LRRC7: variants seen among roughly 807,000 people sequenced by gnomAD.
LRRC7 encodes the protein leucine rich repeat containing 7.
A neutral mutation model predicts 175.7 loss-of-function variants in LRRC7; 23 were observed. The observed-to-expected ratio is 0.13, with a 90% CI of 0.09 to 0.19. The LOEUF is 0.19. Ranked by LOEUF, LRRC7 falls within the 10% of genes least tolerant of loss-of-function variation. The pLI, the probability that LRRC7 is intolerant of heterozygous loss-of-function variation, is 1.00. For synonymous variants in LRRC7, 685 were observed against 680.9 expected, an observed-to-expected ratio of 1.01 and a Z score of -0.09; for missense variants, 1,354 against 1,904.7, an observed-to-expected ratio of 0.71 and a Z score of 5.38.
At chr1:70,069,772 C>T (rs1313962200) in intron 23 of LRRC7, among the ~76,000 whole-genome samples, 5 of 152,096 alleles carry the variant, frequency 3.3e-5, no homozygotes, top group Non-Finnish European at 7.4e-5. Flanking sequence ...GTCCCTAAGA[C>T]TCTGCTCATA....
intron 2 of LRRC7, among the ~76,000 whole-genome samples, chr1:69,724,136 G>A (rs1666667966): frequency 6.6e-6 from 1 of 151,938 alleles, no homozygotes; most frequent in Non-Finnish European, 1.5e-5. Context: ...ATTTTTCATT[G>A]CTTCTTTTTC....
At chr1:69,595,294 C>T (rs1646796689) in intron 1 of LRRC7, among the ~76,000 whole-genome samples, 1 of 152,122 alleles carries the variant, frequency 6.6e-6, no homozygotes, top group Non-Finnish European at 1.5e-5. Flanking sequence ...GTGGCGGGCA[C>T]CTGTAATCCC....
chr1:69,931,440 T>C, intron 7 of LRRC7, 67 bp from the exon 8 acceptor site: 1 of 1,275,296 alleles, frequency 7.8e-7, no homozygotes, highest in Non-Finnish European at 1.1e-6. Flanking sequence ...GGAAGGTGGT[T>C]GGAATGTCTT....
chr1:69,919,994 G>T lies in LRRC7; in HGVS notation c.648-11513G>T, dbSNP rs1447381006. 8.1e-6 allele frequency: 4 copies of T among 496,106 alleles called. No homozygotes were observed. In the East Asian group the frequency reaches 1.1e-4, roughly 14 times the overall value. 30.7% of individuals were successfully genotyped at this position (496,106 alleles called of 1,614,324 possible). On this transcript the variant is annotated intron_variant, in intron 7 of 26. Transcript: ENST00000651989. ...GACTGGGGGCCCTTCCAGACTGGGGGCCCTGGGGTTCCCCACTCCCTGTCA... is the reference window on the plus strand; with the variant it reads ...GACTGGGGGCCCTTCCAGACTGGGGTCCCTGGGGTTCCCCACTCCCTGTCA...
chr1:70,079,333 A>G (rs1358518861), intron 24 of LRRC7, among the ~76,000 whole-genome samples: 1 of 152,234 alleles, frequency 6.6e-6, no homozygotes, highest in Admixed American at 6.5e-5. Flanking sequence ...GGTGCTATAA[A>G]AGAGCCATAA....
intron 7 of LRRC7, among the ~76,000 whole-genome samples, chr1:69,916,971 T>C (rs1646738576): frequency 1.3e-5 from 2 of 152,124 alleles, no homozygotes; most frequent in East Asian, 1.9e-4. Context: ...GAAAAGGGAC[T>C]GGCTATGAGA....
chr1:70,095,943 GT>G (rs1664354702), intron 25 of LRRC7, among the ~76,000 whole-genome samples: 1 of 151,944 alleles, frequency 6.6e-6, no homozygotes, highest in Admixed American at 6.6e-5. Context: ...AGGTACCAAA[GT>G]ACACATATAT....
At chr1:69,738,446 T>C (rs551938199) in intron 2 of LRRC7, among the ~76,000 whole-genome samples, 11 of 152,100 alleles carry the variant, frequency 7.2e-5, no homozygotes, top group Non-Finnish European at 7.4e-5. Context: ...TTCTTCATCT[T>C]TTTACTCCTT....
At chr1:70,052,706 G>C (rs1050457989) in intron 22 of LRRC7, among the ~76,000 whole-genome samples, 1 of 152,022 alleles carries the variant, frequency 6.6e-6, no homozygotes, top group African/African-American at 2.4e-5. Flanking sequence ...TTTAAGTGCT[G>C]TGTTTTTAAT....
At chr1:69,635,673 AAAT>A (rs1431540855) in intron 1 of LRRC7, among the ~76,000 whole-genome samples, 2 of 152,106 alleles carry the variant, frequency 1.3e-5, no homozygotes, top group Non-Finnish European at 2.9e-5. Flanking sequence ...CGGATTTTAA[AAAT>A]AATAACAATT....
chr1:69,924,040 G>C (rs1426294446), intron 7 of LRRC7, among the ~76,000 whole-genome samples: 30 of 151,962 alleles, frequency 2.0e-4, no homozygotes, highest in Non-Finnish European at 2.6e-4. Flanking sequence ...GTTTTCCCAG[G>C]ACCATTTATT....
intron 9 of LRRC7, among the ~76,000 whole-genome samples, chr1:69,985,277 T>C (rs141212151): frequency 2.0e-5 from 3 of 152,316 alleles, no homozygotes; most frequent in East Asian, 3.9e-4. Context: ...TACTGGTGCA[T>C]AGTAGATCCT....
chr1:70,061,473 T>C (rs1466122845), intron 23 of LRRC7, among the ~76,000 whole-genome samples: 1 of 152,114 alleles, frequency 6.6e-6, no homozygotes, highest in Non-Finnish European at 1.5e-5. Context: ...TGAGGAAAAG[T>C]AGCTTCAAGA....
intron 1 of LRRC7, among the ~76,000 whole-genome samples, chr1:69,646,990 A>G (rs193057674): frequency 4.1e-4 from 62 of 152,256 alleles, no homozygotes; most frequent in Non-Finnish European, 8.2e-4. Flanking sequence ...TAAAGATTAC[A>G]ACATCTAGAG....
chr1:69,935,973 G>A (rs1403893993), intron 8 of LRRC7, among the ~76,000 whole-genome samples: 1 of 151,966 alleles, frequency 6.6e-6, no homozygotes, highest in Non-Finnish European at 1.5e-5. Context: ...CATTTCTGTG[G>A]GGGGCTTAAT....
At chr1:69,712,313 G>C (rs2100738057) in intron 2 of LRRC7, among the ~76,000 whole-genome samples, 1 of 151,998 alleles carries the variant, frequency 6.6e-6, no homozygotes, top group Admixed American at 6.6e-5. Context: ...ATTTTATTTA[G>C]GAAAAAAAGG....
At chr1:69,574,410 A>G (rs12137484) in intron 1 of LRRC7, among the ~76,000 whole-genome samples, 33,236 of 151,984 alleles carry the variant, frequency 0.22, 5,332 homozygotes, top group African/African-American at 0.45. Flanking sequence ...ATATTGAAAA[A>G]GATAAGAATA....
intron 8 of LRRC7, among the ~76,000 whole-genome samples, chr1:69,970,088 A>G (rs1454159631): frequency 4.6e-5 from 7 of 152,174 alleles, no homozygotes; most frequent in Non-Finnish European, 1.0e-4. Flanking sequence ...CTGAACAACA[A>G]TAGTGATACA....
intron 25 of LRRC7, among the ~76,000 whole-genome samples, chr1:70,104,212 A>G (rs1388680555): frequency 1.3e-5 from 2 of 152,226 alleles, no homozygotes; most frequent in African/African-American, 4.8e-5. Context: ...CTCTGTCATC[A>G]GTGCCAAAGT....
Sources: gnomAD v4.1 joint callset for allele counts (sites outside exome capture counted in the v4.1 genomes callset) on GRCh38, gnomAD v4.1.1 for gene constraint, MANE v1.5 for transcripts, NCBI Gene and HGNC (gene_info 2026-07-23, HGNC 2026-07-21) for gene names.